The following TMCC1 variants were observed in gnomAD, a reference collection of about 807,000 sequenced individuals.
TMCC1 encodes transmembrane and coiled-coil domains protein 1.
TMCC1 carries 15 observed loss-of-function variants against 52.4 expected under a neutral mutation model. The ratio of observed to expected loss-of-function variants is 0.29; its 90% CI spans 0.19 to 0.44. The LOEUF (loss-of-function observed/expected upper bound fraction) is 0.44, where lower values mean the gene tolerates loss of function less well. Among genes scored for constraint, TMCC1 ranks in the 20% least tolerant of loss-of-function variants. TMCC1 has a pLI of 1.00. For synonymous variants in TMCC1, 279 were observed against 301.9 expected (o/e 0.92, Z 0.79); for missense variants, 503 against 806.0 (o/e 0.62, Z 4.55).
chr3:129,813,010 C>T (rs968790957), intron 4 of TMCC1, among the ~76,000 whole-genome samples: 8 of 152,078 alleles, frequency 5.3e-5, no homozygotes, highest in Non-Finnish European at 8.8e-5. Flanking sequence ...ACGACATGAA[C>T]GAACACTTTT....
chr3:129,791,264 T>C (rs1270697304), intron 4 of TMCC1, among the ~76,000 whole-genome samples: 1 of 151,988 alleles, frequency 6.6e-6, no homozygotes, highest in East Asian at 1.9e-4. Context: ...CGGCTAATTT[T>C]TTGTATTTTT....
chr3:129,868,816 A>G (rs1018750596), intron 2 of TMCC1: 5 of 152,238 alleles, frequency 3.3e-5, no homozygotes, highest in Admixed American at 2.0e-4. Flanking sequence ...CAAATTGGTG[A>G]CCCTATGGCT....
intron 4 of TMCC1, among the ~76,000 whole-genome samples, chr3:129,788,747 C>A (rs186985217): frequency 2.0e-5 from 3 of 152,200 alleles, no homozygotes; most frequent in South Asian, 4.1e-4. Flanking sequence ...GGATTACAGG[C>A]GTGAGCCACC....
chr3:129,700,900 A>G (rs1356053046), intron 4 of TMCC1, among the ~76,000 whole-genome samples: 4 of 152,198 alleles, frequency 2.6e-5, no homozygotes, highest in Non-Finnish European at 5.9e-5. Flanking sequence ...TTGACAAAAG[A>G]TGTTCTTAAT....
intron 2 of TMCC1, among the ~76,000 whole-genome samples, chr3:129,838,627 C>T (rs1211986537): frequency 1.3e-5 from 2 of 151,292 alleles, no homozygotes; most frequent in Non-Finnish European, 2.9e-5. Flanking sequence ...GTGGTGCGTG[C>T]CTGTAATCCC....
At chr3:129,832,082 C>G (rs2058945784) in intron 3 of TMCC1, among the ~76,000 whole-genome samples, 1 of 152,076 alleles carries the variant, frequency 6.6e-6, no homozygotes. Context: ...GTCTCGAACT[C>G]CTGACCTCAA....
At position 129,828,369 on chromosome 3, in the gene TMCC1, A is replaced by C. The variant is rs1326848794; in HGVS notation, c.10T>G (p.Ser4Ala). Residue 4 changes from serine (S) to alanine (A), a missense_variant, in exon 4 of 7, where the codon TCG (serine) becomes GCG (alanine). Transcript: ENST00000393238. The surrounding 1 kb of genome is among the most constrained non-coding windows in gnomAD (Gnocchi z 4.1). MEPSGSEQLFEDPD... is the reference protein window; with the variant it reads MEPAGSEQLFEDPD... Reference sequence around the variant, plus strand: ...TCCTCAAATAACTGTTCACTGCCCGAAGGCTCCATCAGTAGACTTAATATG... The same window carrying C: ...TCCTCAAATAACTGTTCACTGCCCGCAGGCTCCATCAGTAGACTTAATATG... 2 of 1,613,662 alleles carry C rather than the reference A, an allele frequency of 1.2e-6. No homozygotes were observed. Among genetic ancestry groups the C allele is most frequent in the South Asian group, 1.1e-5 (1 of 91,060 alleles).
chr3:129,714,858 C>T (rs966741189), intron 4 of TMCC1, among the ~76,000 whole-genome samples: 1 of 152,194 alleles, frequency 6.6e-6, no homozygotes, highest in Non-Finnish European at 1.5e-5. Flanking sequence ...TATCCTTAGA[C>T]TTCAAACAAC....
intron 6 of TMCC1, among the ~76,000 whole-genome samples, chr3:129,652,353 C>A (rs1012463560): frequency 2.0e-5 from 3 of 152,148 alleles, no homozygotes; most frequent in African/African-American, 7.2e-5. Context: ...TCCCTCTTGG[C>A]CAAAGTGGAC....
chr3:129,706,669 A>T (rs899615622), intron 4 of TMCC1, among the ~76,000 whole-genome samples: 1 of 152,252 alleles, frequency 6.6e-6, no homozygotes, highest in South Asian at 2.1e-4. Context: ...AACTTTTAGA[A>T]GTGAAATTAG....
intron 4 of TMCC1, among the ~76,000 whole-genome samples, chr3:129,742,593 C>T (rs2051559274): frequency 6.6e-6 from 1 of 152,094 alleles, no homozygotes; most frequent in Non-Finnish European, 1.5e-5. Flanking sequence ...TTGAAACCCT[C>T]ATATATTGCT....
intron 4 of TMCC1, among the ~76,000 whole-genome samples, chr3:129,815,393 CA>C (rs2107803173): frequency 6.6e-6 from 1 of 152,038 alleles, no homozygotes; most frequent in East Asian, 1.9e-4. Flanking sequence ...ACAGTACTGG[CA>C]TAAAAACACA....
At chr3:129,682,898 C>T (rs1478635194) in intron 4 of TMCC1, among the ~76,000 whole-genome samples, 1 of 151,904 alleles carries the variant, frequency 6.6e-6, no homozygotes, top group Admixed American at 6.5e-5. Context: ...TGCAATGGCG[C>T]GATCTCGGCT....
chr3:129,827,631 A>C, intron 4 of TMCC1, 172 bp downstream of exon 4: 2 of 674,080 alleles, frequency 3.0e-6, no homozygotes, highest in Non-Finnish European at 5.0e-6. Context: ...AATTCTAAGC[A>C]TTCATTCATT....
intron 4 of TMCC1, among the ~76,000 whole-genome samples, chr3:129,799,620 C>A (rs1291139981): frequency 6.6e-6 from 1 of 152,056 alleles, no homozygotes; most frequent in East Asian, 1.9e-4. Flanking sequence ...ACCATCCTGG[C>A]TAAAACGGTG....
At chr3:129,844,299 T>C (rs1054689097) in intron 2 of TMCC1, among the ~76,000 whole-genome samples, 4 of 152,030 alleles carry the variant, frequency 2.6e-5, no homozygotes, top group Non-Finnish European at 5.9e-5. Flanking sequence ...AATAATATTA[T>C]AGGTGGAAAA....
intron 4 of TMCC1, among the ~76,000 whole-genome samples, chr3:129,786,103 C>T (rs193255879): frequency 9.1e-4 from 138 of 152,086 alleles, no homozygotes; most frequent in Non-Finnish European, 1.8e-3. Flanking sequence ...CCATGCCTGG[C>T]TAATTTTTGT....
chr3:129,828,483 C>T lies in TMCC1; in HGVS notation c.-105G>A, dbSNP rs1322701365. 7 of 1,089,588 alleles carry T rather than the reference C, an allele frequency of 6.4e-6. No homozygotes were observed. Among genetic ancestry groups the T allele is most frequent in the Non-Finnish European group, 2.7e-6 (2 of 749,394 alleles). 67.5% of individuals were successfully genotyped at this position (1,089,588 alleles called of 1,614,324 possible). ...GCTTCAACAGTGACTACGCATGCAG[C>T]TGTGAGACGAAGGCTTCATGCCTAT... On this transcript the variant is annotated 5_prime_UTR_variant, in exon 4 of 7. Coordinates refer to ENST00000393238, the MANE Select transcript of TMCC1 (RefSeq NM_001017395.5). This position sits in a 1 kb window ranked among gnomAD's most constrained non-coding sequence, Gnocchi z 4.1.
chr3:129,704,959 T>A (rs1037903533), intron 4 of TMCC1, among the ~76,000 whole-genome samples: 2 of 152,182 alleles, frequency 1.3e-5, no homozygotes, highest in African/African-American at 4.8e-5. Flanking sequence ...GTAATTATTC[T>A]AATCACAAAG....
Sources: allele counts gnomAD v4.1 joint callset (sites outside exome capture counted in the v4.1 genomes callset), GRCh38; gene constraint gnomAD v4.1.1; non-coding constraint Gnocchi (gnomAD v3.1); transcripts MANE v1.5; gene names NCBI Gene and HGNC (gene_info 2026-07-23, HGNC 2026-07-21).